The following RALGPS2 variants were observed in gnomAD, a reference collection of about 807,000 sequenced individuals.
The protein encoded by RALGPS2 is Ral GEF with PH domain and SH3 binding motif 2.
RALGPS2 carries 43 observed loss-of-function variants against 86.8 expected under a neutral mutation model. The ratio of observed to expected loss-of-function variants is 0.50; its 90% CI spans 0.39 to 0.64. The LOEUF (loss-of-function observed/expected upper bound fraction) is 0.64, where lower values mean the gene tolerates loss of function less well. Among genes scored for constraint, RALGPS2 ranks in the 30% least tolerant of loss-of-function variants. RALGPS2 has a pLI of 0.00. For synonymous variants in RALGPS2, 243 were observed against 231.3 expected (o/e 1.05, Z -0.46); for missense variants, 536 against 694.6 (o/e 0.77, Z 2.57).
chr1:178,863,812 G>A (rs903228476), intron 8 of RALGPS2, among the ~76,000 whole-genome samples: 29 of 152,178 alleles, frequency 1.9e-4, no homozygotes, highest in African/African-American at 7.0e-4. Context: ...AATGTAGAAG[G>A]CCAGGAAAGC....
In RALGPS2 at chr1:178,784,454, T is replaced by C. The variant is rs769834079; in HGVS notation, c.94T>C (p.Ser32Pro). 10 of 1,606,446 alleles carry C rather than the reference T, an allele frequency of 6.2e-6. No homozygotes were observed. The African/African-American group carries it at 6.7e-5, about 11-fold the overall frequency. ...SSSESLSDKG[S>P]ELKKSFDAVV... ...CTCTGAATCCTTAAGTGACAAAGGC[T>C]CTGAATTGAAGAAAAGCTTTGATGC... Residue 32 changes from serine to proline, a missense_variant, in exon 3 of 20, where the codon TCT becomes CCT. Physicochemically the swap from Ser to Pro is moderately conservative, Grantham distance 74. Around this residue, in one of 3 missense-constraint regions of RALGPS2, gnomAD observed 184 missense variants for 296.7 expected, o/e 0.62. Transcript: ENST00000367635.
intron 1 of RALGPS2, among the ~76,000 whole-genome samples, chr1:178,769,428 C>T (rs1323851222): frequency 6.7e-6 from 1 of 149,528 alleles, no homozygotes; most frequent in African/African-American, 2.5e-5. Flanking sequence ...GTTGGTTTAG[C>T]CTGCTGATCC....
At chr1:178,782,122 G>A (rs1163587163) in intron 2 of RALGPS2, among the ~76,000 whole-genome samples, 1 of 152,152 alleles carries the variant, frequency 6.6e-6, no homozygotes, top group African/African-American at 2.4e-5. Flanking sequence ...CTGAAACCTG[G>A]AGAGAGAGGC....
chr1:178,895,629 G>C (rs1659908250), intron 16 of RALGPS2, among the ~76,000 whole-genome samples: 1 of 152,022 alleles, frequency 6.6e-6, no homozygotes, highest in Non-Finnish European at 1.5e-5. Context: ...ATTGAAATTG[G>C]GGAAGGTGGA....
rs902205782 is a variant in RALGPS2 at position 178,920,259 on chromosome 1, C to T, written c.*3900C>T. On this transcript the variant is annotated 3_prime_UTR_variant, in exon 20 of 20. Transcript: ENST00000367635. ...CTTGTGTCTAAAGTGACATTTTTTT[C>T]CCTATTTGGAGGGTTCTAATGAAAG... is the stretch of plus-strand genomic sequence containing the variant. The T allele has an allele frequency of 4.0e-5, 6 of 151,790 alleles. No individual in the cohort carries two copies. Among genetic ancestry groups the T allele is most frequent in the Non-Finnish European group, 8.8e-5 (6 of 67,802 alleles). 9.4% of individuals were successfully genotyped at this position (151,790 alleles called of 1,614,324 possible). A position where few individuals can be genotyped will look rare whatever the true frequency, so the allele number is the denominator to read the frequency against.
chr1:178,728,122 T>G (rs1460164350), intron 1 of RALGPS2, among the ~76,000 whole-genome samples: 2 of 151,966 alleles, frequency 1.3e-5, no homozygotes, highest in Non-Finnish European at 2.9e-5. Flanking sequence ...TTAGACAGCC[T>G]TATTCTTTTG....
intron 1 of RALGPS2, among the ~76,000 whole-genome samples, chr1:178,772,977 GTTTTTAA>G (rs1652877627): frequency 6.6e-6 from 1 of 151,892 alleles, no homozygotes; most frequent in African/African-American, 2.4e-5. Flanking sequence ...AATTTTTTGT[GTTTTTAA>G]TGGAGACGGG....
chr1:178,901,812 C>A (rs977891052), intron 17 of RALGPS2, among the ~76,000 whole-genome samples: 1 of 151,060 alleles, frequency 6.6e-6, no homozygotes, highest in African/African-American at 2.4e-5. Flanking sequence ...AGAAAAAAAA[C>A]AACAGATTAA....
intron 5 of RALGPS2, among the ~76,000 whole-genome samples, chr1:178,809,361 T>C (rs1233297040): frequency 6.6e-6 from 1 of 152,014 alleles, no homozygotes; most frequent in East Asian, 1.9e-4. Flanking sequence ...GTATTATGTC[T>C]TTGAAGGAGC....
At position 178,920,422 on chromosome 1, in the gene RALGPS2, C is replaced by T. The variant is rs567208568; in HGVS notation, c.*4063C>T. On this transcript the variant is annotated 3_prime_UTR_variant, in exon 20 of 20. Coordinates refer to ENST00000367635, the MANE Select transcript of RALGPS2 (RefSeq NM_152663.5). Reference sequence around the variant, plus strand: ...TTAGGGCATCAAGTATGACAATAATCATGTGCCCTCTTGCTCCTCTTATTT... The same window carrying T: ...TTAGGGCATCAAGTATGACAATAATTATGTGCCCTCTTGCTCCTCTTATTT... 117 of 152,082 alleles carry T rather than the reference C, an allele frequency of 7.7e-4. No individual in the cohort carries two copies. The highest frequency in any genetic ancestry group is 2.5e-3 in the African/African-American group (105 of 41,534). The allele number at this position is 152,082 out of a possible 1,614,324, so 9.4% of individuals were successfully genotyped here.
chr1:178,893,659 A>T (rs909642675), intron 15 of RALGPS2, among the ~76,000 whole-genome samples: 1 of 151,924 alleles, frequency 6.6e-6, no homozygotes, highest in Non-Finnish European at 1.5e-5. Flanking sequence ...GAATTACTGC[A>T]TTCTTTCTAA....
At position 178,738,516 on chromosome 1, in the gene RALGPS2, G is replaced by A. The variant is rs1019825189; in HGVS notation, c.-84+13097G>A. ...GAGCCACTGCCGTCGGCTAATAGTT[G>A]TATATCTTAAATTTGCATTGAAAGG... On this transcript the variant is annotated intron_variant, in intron 1 of 19. Coordinates refer to ENST00000367635, the MANE Select transcript of RALGPS2 (RefSeq NM_152663.5). Among the ~76,000 whole-genome samples, 6 of 152,210 alleles carry A rather than the reference G, an allele frequency of 3.9e-5. No individual in the cohort carries two copies. In the South Asian group the frequency reaches 1.2e-3, roughly 32 times the overall value.
intron 1 of RALGPS2, among the ~76,000 whole-genome samples, chr1:178,729,167 G>A (rs1650198635): frequency 6.6e-6 from 1 of 151,920 alleles, no homozygotes; most frequent in African/African-American, 2.4e-5. Flanking sequence ...TTTCAGAACA[G>A]ATTTTCTTTA....
intron 10 of RALGPS2, among the ~76,000 whole-genome samples, chr1:178,880,163 TA>T (rs1417543069): frequency 1.3e-5 from 2 of 152,314 alleles, no homozygotes; most frequent in East Asian, 3.9e-4. Flanking sequence ...AAGACTAGAT[TA>T]TTTTTCAGTG....
At chr1:178,813,638 A>G (rs1655095308) in intron 6 of RALGPS2, among the ~76,000 whole-genome samples, 2 of 152,242 alleles carry the variant, frequency 1.3e-5, no homozygotes, top group Non-Finnish European at 1.5e-5. Flanking sequence ...AAATGTATAA[A>G]TAGATTTTAG....
chr1:178,853,433 C>A, intron 8 of RALGPS2, among the ~76,000 whole-genome samples: 1 of 152,008 alleles, frequency 6.6e-6, no homozygotes, highest in East Asian at 1.9e-4. Context: ...GACTTTAAAA[C>A]CAGAGATGAG....
intron 8 of RALGPS2, chr1:178,853,245 T>C (rs1657299986): frequency 1.9e-5 from 18 of 966,306 alleles, no homozygotes; most frequent in Non-Finnish European, 2.2e-5. Context: ...ACTAAAAATA[T>C]TAGCTAGTAT....
intron 2 of RALGPS2, among the ~76,000 whole-genome samples, chr1:178,779,697 C>A (rs541301172): frequency 6.6e-6 from 1 of 152,186 alleles, no homozygotes. Context: ...ATCACATTTC[C>A]ATAGCCATCT....
chr1:178,879,118 A>G, intron 10 of RALGPS2, 126 bp downstream of exon 10: 2 of 1,347,374 alleles, frequency 1.5e-6, no homozygotes, highest in Non-Finnish European at 2.0e-6. Flanking sequence ...GGTTTACAGC[A>G]GTAAAGGTAC....
Sources: allele counts gnomAD v4.1 joint callset (sites outside exome capture counted in the v4.1 genomes callset), GRCh38; gene constraint gnomAD v4.1.1; regional missense constraint gnomAD v4.1.1; transcripts MANE v1.5; gene names NCBI Gene and HGNC (gene_info 2026-07-23, HGNC 2026-07-21).